Variants in SLC35F4 observed in about 807,000 individuals in gnomAD.
The protein encoded by SLC35F4 is chromosome 14 open reading frame 36.
A neutral mutation model predicts 44.2 loss-of-function variants in SLC35F4; 24 were observed. The observed-to-expected ratio is 0.54, with a 90% CI of 0.39 to 0.76. SLC35F4 has a LOEUF of 0.76. Ranked by LOEUF, SLC35F4 falls within the 30% of genes least tolerant of loss-of-function variation. The pLI is 0.00. For synonymous variants in SLC35F4, 238 were observed against 223.6 expected (o/e 1.06, Z -0.57); for missense variants, 562 against 586.1 (o/e 0.96, Z 0.42).
intron 1 of SLC35F4, among the ~76,000 whole-genome samples, chr14:57,784,812 G>A (rs1316202983): frequency 6.6e-6 from 1 of 152,082 alleles, no homozygotes; most frequent in Non-Finnish European, 1.5e-5. Context: ...CCACCCATGA[G>A]ACAGCAATAC....
intron 1 of SLC35F4, among the ~76,000 whole-genome samples, chr14:57,766,868 A>G (rs2077247612): frequency 6.6e-6 from 1 of 152,234 alleles, no homozygotes; most frequent in South Asian, 2.1e-4. Flanking sequence ...ACAAATCAAA[A>G]GACAGAGAGT....
intron 1 of SLC35F4, among the ~76,000 whole-genome samples, chr14:57,713,866 G>C (rs1009838074): frequency 1.3e-5 from 2 of 152,112 alleles, no homozygotes; most frequent in Non-Finnish European, 2.9e-5. Flanking sequence ...ACAAAATGTT[G>C]TCCAATCTTC....
chr14:57,575,300 G>A lies in SLC35F4; in HGVS notation c.808-3281C>T, dbSNP rs1209716088. Among the ~76,000 whole-genome samples the A allele has an allele frequency of 2.0e-5, 3 of 152,062 alleles. No individual in the cohort carries two copies. The East Asian group carries it at 5.8e-4, about 29-fold the overall frequency. Reference sequence around the variant, plus strand: ...CGAGACCAGCCTGGCCAACCATGGCGAGACCCCCATCTCTACTAAAAATAT... The same window carrying A: ...CGAGACCAGCCTGGCCAACCATGGCAAGACCCCCATCTCTACTAAAAATAT... On this transcript the variant is annotated intron_variant, in intron 4 of 7. Coordinates refer to ENST00000556826, the MANE Select transcript of SLC35F4 (RefSeq NM_001306087.2).
chr14:57,743,521 C>T (rs1156560911), intron 1 of SLC35F4, among the ~76,000 whole-genome samples: 1 of 152,112 alleles, frequency 6.6e-6, no homozygotes, highest in African/African-American at 2.4e-5. Context: ...CAAGACTAAA[C>T]CAGGAAGAAG....
chr14:57,658,090 C>T (rs1313981697), intron 1 of SLC35F4, among the ~76,000 whole-genome samples: 6 of 152,126 alleles, frequency 3.9e-5, no homozygotes, highest in African/African-American at 1.4e-4. Flanking sequence ...CAGTCAATTG[C>T]TTTTCTCCCT....
intron 1 of SLC35F4, among the ~76,000 whole-genome samples, chr14:57,722,823 A>G (rs960170836): frequency 6.6e-6 from 1 of 152,196 alleles, no homozygotes; most frequent in African/African-American, 2.4e-5. Flanking sequence ...ACAAATTTGA[A>G]TTATACAAAC....
In SLC35F4 at chr14:57,609,761, G is replaced by T. The variant is rs374896715; in HGVS notation, c.104-15637C>A. ...AAGATGGCTTAAATTTACTACACAG[G>T]CTTTGGAATAAGGTAAAAATGCTGC... On this transcript the variant is annotated intron_variant, in intron 1 of 7. Coordinates refer to ENST00000556826, the MANE Select transcript of SLC35F4 (RefSeq NM_001306087.2). Among the ~76,000 whole-genome samples, 10 of 152,274 alleles carry T rather than the reference G, an allele frequency of 6.6e-5. No homozygotes were observed. In the East Asian group the frequency reaches 1.7e-3, roughly 26 times the overall value.
intron 1 of SLC35F4, among the ~76,000 whole-genome samples, chr14:57,668,961 A>C (rs1392780364): frequency 6.6e-6 from 1 of 152,102 alleles, no homozygotes; most frequent in Non-Finnish European, 1.5e-5. Flanking sequence ...CCTATCCATG[A>C]GCATGGAATG....
chr14:57,728,491 C>G (rs2076267431), intron 1 of SLC35F4, among the ~76,000 whole-genome samples: 2 of 112,980 alleles, frequency 1.8e-5, no homozygotes, highest in Admixed American at 2.6e-4. Context: ...CTCTGTCACT[C>G]AGGCTGGAGT....
chr14:57,779,391 G>C (rs1328532582), intron 1 of SLC35F4, among the ~76,000 whole-genome samples: 2 of 152,116 alleles, frequency 1.3e-5, no homozygotes, highest in African/African-American at 4.8e-5. Flanking sequence ...AGAAGAAATG[G>C]ATATATTCCT....
At chr14:57,946,219 T>A (rs537293583) in intron 1 of SLC35F4, among the ~76,000 whole-genome samples, 3 of 152,076 alleles carry the variant, frequency 2.0e-5, no homozygotes, top group Admixed American at 2.0e-4. Context: ...TCTAAAAGAG[T>A]TTTTTCCAAT....
intron 1 of SLC35F4, among the ~76,000 whole-genome samples, chr14:57,621,687 A>C (rs1330147769): frequency 6.6e-6 from 1 of 152,112 alleles, no homozygotes; most frequent in East Asian, 1.9e-4. Flanking sequence ...TAAAGACTTA[A>C]ACGTTAGACC....
At chr14:57,895,878 T>C (rs1888859274) in intron 1 of SLC35F4, among the ~76,000 whole-genome samples, 1 of 152,108 alleles carries the variant, frequency 6.6e-6, no homozygotes, top group Admixed American at 6.6e-5. Flanking sequence ...TGTGAGCCCC[T>C]ATACCTGGCA....
chr14:57,906,185 G>T (rs1368512681), intron 1 of SLC35F4, among the ~76,000 whole-genome samples: 2 of 152,186 alleles, frequency 1.3e-5, no homozygotes, highest in African/African-American at 2.4e-5. Context: ...AAAATTCAGA[G>T]AGTGCAGAAA....
intron 1 of SLC35F4, among the ~76,000 whole-genome samples, chr14:57,911,398 T>C (rs1034570781): frequency 2.6e-5 from 4 of 152,042 alleles, no homozygotes; most frequent in Admixed American, 6.6e-5. Context: ...CTCTCCCCGT[T>C]ACGTATGATG....
At chr14:57,772,694 A>T (rs1207360093) in intron 1 of SLC35F4, among the ~76,000 whole-genome samples, 1 of 152,164 alleles carries the variant, frequency 6.6e-6, no homozygotes, top group Non-Finnish European at 1.5e-5. Flanking sequence ...GCAAAGGATG[A>T]TATTTCATGG....
chr14:57,667,102 G>A (rs2074336027), intron 1 of SLC35F4, among the ~76,000 whole-genome samples: 1 of 151,490 alleles, frequency 6.6e-6, no homozygotes, highest in Non-Finnish European at 1.5e-5. Flanking sequence ...GGAGAGAAGA[G>A]CAGATTAAAG....
At chr14:57,969,124 C>T (rs1160483639) in intron 1 of SLC35F4, among the ~76,000 whole-genome samples, 1 of 152,196 alleles carries the variant, frequency 6.6e-6, no homozygotes, top group Non-Finnish European at 1.5e-5. Context: ...TCCAAATTTA[C>T]TGGGCTGGTT....
chr14:57,712,011 G>A (rs562857026), intron 1 of SLC35F4, among the ~76,000 whole-genome samples: 2 of 152,242 alleles, frequency 1.3e-5, no homozygotes, highest in South Asian at 4.1e-4. Flanking sequence ...ATTACTTAGA[G>A]AAACAGGTAC....
Sources: allele counts gnomAD v4.1 joint callset (sites outside exome capture counted in the v4.1 genomes callset), GRCh38; gene constraint gnomAD v4.1.1; transcripts MANE v1.5; gene names NCBI Gene and HGNC (gene_info 2026-07-23, HGNC 2026-07-21).